NAV3: variants seen among roughly 807,000 people sequenced by gnomAD.
The protein encoded by NAV3 is pore membrane and/or filament interacting like protein 1.
NAV3 carries 87 observed loss-of-function variants against 244.7 expected under a neutral mutation model. The ratio of observed to expected loss-of-function variants is 0.36; its 90% CI spans 0.30 to 0.42. The LOEUF is 0.42. Ranked by LOEUF, NAV3 falls within the 20% of genes least tolerant of loss-of-function variation. The pLI is 1.00. For synonymous variants in NAV3, 1,126 were observed against 1,042.2 expected (o/e 1.08, Z -1.55); for missense variants, 2,663 against 2,893.3 (o/e 0.92, Z 1.83).
chr12:77,757,302 T>G (rs1022685534), intron 2 of NAV3, among the ~76,000 whole-genome samples: 1 of 152,122 alleles, frequency 6.6e-6, no homozygotes, highest in African/African-American at 2.4e-5. Flanking sequence ...GAAGATAACT[T>G]TATGGGAAAG....
intron 5 of NAV3, among the ~76,000 whole-genome samples, chr12:77,985,740 T>C (rs1177297949): frequency 6.6e-6 from 1 of 152,158 alleles, no homozygotes; most frequent in African/African-American, 2.4e-5. Flanking sequence ...TTTCTTTCAA[T>C]TCCTGTGTCC....
chr12:77,733,389 G>A (rs1432836352), intron 2 of NAV3, among the ~76,000 whole-genome samples: 1 of 151,982 alleles, frequency 6.6e-6, no homozygotes, highest in Non-Finnish European at 1.5e-5. Flanking sequence ...GATATTATTT[G>A]TGTGATCTGG....
intron 2 of NAV3, among the ~76,000 whole-genome samples, chr12:77,806,705 A>G (rs1871998664): frequency 6.6e-6 from 1 of 152,188 alleles, no homozygotes; most frequent in South Asian, 2.1e-4. Context: ...AGCTGAGTTC[A>G]AGTCCTGAAT....
At chr12:77,595,029 A>C (rs559085884) in intron 2 of NAV3, among the ~76,000 whole-genome samples, 4 of 152,206 alleles carry the variant, frequency 2.6e-5, no homozygotes, top group African/African-American at 9.6e-5. Flanking sequence ...TAGAATTATC[A>C]TATGATCTAG....
chr12:77,923,193 T>A (rs1027909327), intron 1 of NAV3, among the ~76,000 whole-genome samples: 17 of 152,088 alleles, frequency 1.1e-4, no homozygotes, highest in African/African-American at 4.1e-4. Flanking sequence ...AATAAAGGAA[T>A]GTCATAGTGG....
chr12:77,886,029 C>A (rs1277801464), intron 1 of NAV3, among the ~76,000 whole-genome samples: 1 of 152,064 alleles, frequency 6.6e-6, no homozygotes, highest in Admixed American at 6.6e-5. Flanking sequence ...TTACCACTGC[C>A]CTAGTGTCAA....
chr12:77,617,284 T>C (rs1311253545), intron 2 of NAV3, among the ~76,000 whole-genome samples: 1 of 152,202 alleles, frequency 6.6e-6, no homozygotes, highest in East Asian at 1.9e-4. Context: ...TGTTCTTGCC[T>C]TTGACATGCC....
intron 12 of NAV3, among the ~76,000 whole-genome samples, chr12:78,095,168 T>G (rs1226718017): frequency 6.6e-6 from 1 of 151,794 alleles, no homozygotes; most frequent in Non-Finnish European, 1.5e-5. Flanking sequence ...GCATATTTGT[T>G]ATGTTTCATG....
chr12:78,185,310 G>T (rs1386515652), intron 30 of NAV3, among the ~76,000 whole-genome samples: 1 of 151,766 alleles, frequency 6.6e-6, no homozygotes, highest in South Asian at 2.1e-4. Flanking sequence ...GTATTACTCA[G>T]ACCTATGTGT....
intron 1 of NAV3, among the ~76,000 whole-genome samples, chr12:77,871,183 T>C (rs568027479): frequency 6.6e-6 from 1 of 152,250 alleles, no homozygotes; most frequent in Non-Finnish European, 1.5e-5. Context: ...TACATTCCAA[T>C]AGAGATCTAA....
chr12:77,695,124 A>C (rs1875234542), intron 2 of NAV3, among the ~76,000 whole-genome samples: 1 of 152,120 alleles, frequency 6.6e-6, no homozygotes, highest in Non-Finnish European at 1.5e-5. Context: ...TTTTTTGATT[A>C]TATCCTTTGC....
chr12:78,109,403 G>A, intron 12 of NAV3, among the ~76,000 whole-genome samples: 1 of 151,884 alleles, frequency 6.6e-6, no homozygotes, highest in Non-Finnish European at 1.5e-5. Flanking sequence ...TCTTCTTGAT[G>A]CTATTACAAT....
At chr12:78,037,219 G>C (rs1335952368) in intron 9 of NAV3, 3 of 703,004 alleles carry the variant, frequency 4.3e-6, no homozygotes, top group Non-Finnish European at 7.8e-6. Context: ...GATGAAGATA[G>C]TAGGTCTGAA....
intron 2 of NAV3, among the ~76,000 whole-genome samples, chr12:77,755,516 T>G (rs10859317): frequency 0.27 from 5,519 of 20,580 alleles, 508 homozygotes; most frequent in African/African-American, 0.35. Context: ...CCTGTGCCTT[T>G]CCTTTCCTTT....
At chr12:78,058,764 C>G (rs940236784) in intron 11 of NAV3, among the ~76,000 whole-genome samples, 1 of 151,944 alleles carries the variant, frequency 6.6e-6, no homozygotes, top group Non-Finnish European at 1.5e-5. Flanking sequence ...GTCGCAGTAA[C>G]TACTACTAGG....
At chr12:77,992,356 G>A (rs1871592758) in intron 5 of NAV3, among the ~76,000 whole-genome samples, 1 of 152,190 alleles carries the variant, frequency 6.6e-6, no homozygotes, top group African/African-American at 2.4e-5. Context: ...TGGAATTATA[G>A]ATATTTAATT....
intron 2 of NAV3, among the ~76,000 whole-genome samples, chr12:77,577,310 T>C (rs1869136259): frequency 6.6e-6 from 1 of 152,092 alleles, no homozygotes; most frequent in Non-Finnish European, 1.5e-5. Context: ...TCAGAAGTGA[T>C]TCTAGAAACT....
rs750869209 is a variant in NAV3 at position 78,175,346 on chromosome 12, T to G, written c.5022T>G (p.Ser1674=). 3 of 1,611,554 alleles carry G rather than the reference T, an allele frequency of 1.9e-6. No individual in the cohort carries two copies. The African/African-American group carries it at 4.0e-5, about 22-fold the overall frequency. The stretch of plus-strand genomic sequence containing the variant: ...GACAGCATTCCTCTGAAAGTGTTTC[T>G]AGTATCAACAGTGCCACAAGCCATT... ...IRRQHSSESV[S]SINSATSHSS... is the part of the protein sequence containing the mutation. Residue 1674 remains serine (S), a synonymous_variant, in exon 25 of 40, where the codon TCT becomes TCG. Transcript: ENST00000397909.
chr12:77,613,110 C>T (rs549600090), intron 2 of NAV3, among the ~76,000 whole-genome samples: 1 of 152,202 alleles, frequency 6.6e-6, no homozygotes, highest in African/African-American at 2.4e-5. Context: ...TTATTAGCAG[C>T]ATGAGAACGA....
Sources: allele counts gnomAD v4.1 joint callset (sites outside exome capture counted in the v4.1 genomes callset), GRCh38; gene constraint gnomAD v4.1.1; transcripts MANE v1.5; gene names NCBI Gene and HGNC (gene_info 2026-07-23, HGNC 2026-07-21).